Variants in FALEC observed in about 807,000 individuals in gnomAD.
FALEC encodes focally amplified lncRNA on chromosome 1.
intron 1 of FALEC, among the ~76,000 whole-genome samples, chr1:150,516,264 G>T (rs963057645): frequency 6.6e-6 from 1 of 151,968 alleles, no homozygotes; most frequent in Non-Finnish European, 1.5e-5. Context: ...AAAAGGGAGC[G>T]GGGGGGCTTT....
chr1:150,529,016 C>CAAAAAGAAAAAA, the FALEC span, among the ~76,000 whole-genome samples: 1 of 59,292 alleles, frequency 1.7e-5, no homozygotes, highest in Non-Finnish European at 3.0e-5. Flanking sequence ...AAATAAATAG[C>CAAAAAGAAAAAA]AAAAAAAAAA....
At chr1:150,529,312 C>T in the FALEC span, among the ~76,000 whole-genome samples, 6 of 152,226 alleles carry the variant, frequency 3.9e-5, no homozygotes, top group Non-Finnish European at 8.8e-5. Flanking sequence ...TTTCCTCCAG[C>T]AGCGTTCAGC....
chr1:150,518,911 C>G (rs1670604542), downstream of FALEC, among the ~76,000 whole-genome samples: 1 of 151,788 alleles, frequency 6.6e-6, no homozygotes, highest in African/African-American at 2.4e-5. Flanking sequence ...ACAAAATTAG[C>G]TGGGTGTGGT....
chr1:150,534,740 G>C, the FALEC span, among the ~76,000 whole-genome samples: 6 of 151,842 alleles, frequency 4.0e-5, no homozygotes, highest in African/African-American at 1.5e-4. Context: ...TACTCAGGAG[G>C]CTGAGGCAGG....
chr1:150,526,253 G>C, the FALEC span, among the ~76,000 whole-genome samples: 1 of 150,802 alleles, frequency 6.6e-6, no homozygotes, highest in African/African-American at 2.4e-5. Flanking sequence ...AGGAGGCCAA[G>C]GCAGGAGAAT....
chr1:150,522,433 G>A (rs587641926), downstream of FALEC, among the ~76,000 whole-genome samples: 5 of 151,930 alleles, frequency 3.3e-5, no homozygotes, highest in South Asian at 1.0e-3. Flanking sequence ...GACCAGCCTG[G>A]GCAACGTGGT....
the FALEC span, among the ~76,000 whole-genome samples, chr1:150,527,511 A>G: frequency 0.58 from 87,708 of 151,884 alleles, 25,792 homozygotes; most frequent in Non-Finnish European, 0.62. Flanking sequence ...TGCCCGCCTC[A>G]GCCTCCCAAA....
chr1:150,533,292 A>G, the FALEC span, among the ~76,000 whole-genome samples: 2 of 152,188 alleles, frequency 1.3e-5, no homozygotes, highest in Non-Finnish European at 2.9e-5. Context: ...GGGATGGAGT[A>G]TAGATCAGCC....
chr1:150,522,551 AGG>A (rs759042043), downstream of FALEC, among the ~76,000 whole-genome samples: 8 of 149,524 alleles, frequency 5.4e-5, no homozygotes, highest in East Asian at 8.0e-4. Context: ...TGAACCCAGG[AGG>A]GGGTGGTTGC....
downstream of FALEC, among the ~76,000 whole-genome samples, chr1:150,520,654 A>G (rs1438093660): frequency 6.6e-6 from 1 of 151,982 alleles, no homozygotes; most frequent in East Asian, 1.9e-4. Context: ...CATTTTGCCA[A>G]TTTTTGAACT....
At chr1:150,522,722 AG>A (rs1670659542), downstream of FALEC, among the ~76,000 whole-genome samples, 1 of 151,154 alleles carries the variant, frequency 6.6e-6, no homozygotes, top group Non-Finnish European at 1.5e-5. Flanking sequence ...TCTGAATTGC[AG>A]TGTACTGTAA....
chr1:150,526,278 A>G, the FALEC span, among the ~76,000 whole-genome samples: 1 of 146,222 alleles, frequency 6.8e-6, no homozygotes, highest in African/African-American at 2.5e-5. Flanking sequence ...TGAACTCGGG[A>G]GGCGGAGCTT....
the FALEC span, among the ~76,000 whole-genome samples, chr1:150,532,470 G>A: frequency 6.6e-6 from 1 of 152,178 alleles, no homozygotes; most frequent in Admixed American, 6.5e-5. Context: ...GTTAGATGCT[G>A]GTTGGGAGGG....
chr1:150,533,605 T>A, the FALEC span, among the ~76,000 whole-genome samples: 1 of 151,846 alleles, frequency 6.6e-6, no homozygotes, highest in African/African-American at 2.4e-5. Flanking sequence ...CCCGGCTAAT[T>A]TTTGTATTTT....
chr1:150,531,990 C>T, the FALEC span, among the ~76,000 whole-genome samples: 3 of 152,308 alleles, frequency 2.0e-5, no homozygotes, highest in Non-Finnish European at 2.9e-5. Context: ...CTGCAAGCTC[C>T]GCCTCCCGGG....
downstream of FALEC, among the ~76,000 whole-genome samples, chr1:150,522,974 TATATATATA>T (rs1468411531): frequency 3.8e-4 from 20 of 52,392 alleles, 2 homozygotes; most frequent in African/African-American, 1.1e-3. Flanking sequence ...TATATATATA[TATATATATA>T]TTTTTTTTTT....
At chr1:150,522,977 A>ATTT (rs1560270892), downstream of FALEC, among the ~76,000 whole-genome samples, 9 of 24,078 alleles carry the variant, frequency 3.7e-4, no homozygotes, top group East Asian at 1.5e-3. Flanking sequence ...ATATATATAT[A>ATTT]TATATATTTT....
At chr1:150,530,400 T>C in the FALEC span, among the ~76,000 whole-genome samples, 1 of 152,124 alleles carries the variant, frequency 6.6e-6, no homozygotes, top group Non-Finnish European at 1.5e-5. Flanking sequence ...CTGATCATTC[T>C]CTCCCCTCTG....
At chr1:150,520,176 T>C (rs1220703413), downstream of FALEC, among the ~76,000 whole-genome samples, 3 of 152,118 alleles carry the variant, frequency 2.0e-5, no homozygotes, top group Admixed American at 6.6e-5. Context: ...AACAAATGTA[T>C]GACAAAATTT....
Sources: gnomAD v4.1 joint callset for allele counts (sites outside exome capture counted in the v4.1 genomes callset) on GRCh38, gnomAD v4.1.1 for gene constraint, MANE v1.5 for transcripts, NCBI Gene and HGNC (gene_info 2026-07-23, HGNC 2026-07-21) for gene names.